The following UBR2 variants were observed in gnomAD, a reference collection of about 807,000 sequenced individuals.
The protein encoded by UBR2 is ubiquitin protein ligase E3 component n-recognin 2.
Under a neutral mutation model 247.9 loss-of-function variants are expected in UBR2, and 92 were observed. The ratio of observed to expected loss-of-function variants is 0.37; its 90% CI spans 0.31 to 0.44. The LOEUF (loss-of-function observed/expected upper bound fraction) is 0.44. Among genes scored for constraint, UBR2 ranks in the 20% least tolerant of loss-of-function variants. The pLI is 1.00. For missense variants in UBR2, 1,613 were observed against 2,112.6 expected (o/e 0.76, Z 4.64); for synonymous variants, 672 against 693.5 (o/e 0.97, Z 0.49).
chr6:42,638,745 T>C (rs1796259827), intron 15 of UBR2, among the ~76,000 whole-genome samples: 1 of 151,110 alleles, frequency 6.6e-6, no homozygotes, highest in Non-Finnish European at 1.5e-5. Context: ...GCCCTGCACG[T>C]GCCCTTAAAA....
intron 36 of UBR2, among the ~76,000 whole-genome samples, chr6:42,672,734 G>A (rs1232823441): frequency 6.6e-6 from 1 of 151,952 alleles, no homozygotes; most frequent in East Asian, 1.9e-4. Flanking sequence ...CCTTCCCTTA[G>A]AAAGCCCTCT....
chr6:42,648,022 C>A, intron 21 of UBR2, 96 bp from the exon 22 acceptor site: 1 of 924,090 alleles, frequency 1.1e-6, no homozygotes, highest in Non-Finnish European at 1.7e-6. Flanking sequence ...GTGTATCTAC[C>A]TTAGGTTGTT....
At chr6:42,617,281 C>A (rs79140595) in intron 10 of UBR2, 128 bp from the exon 11 acceptor site, 1 of 1,614,120 alleles carries the variant, frequency 6.2e-7, no homozygotes, top group South Asian at 1.1e-5. Context: ...AGGATGATCA[C>A]GAGCGAGCAG....
At chr6:42,640,291 A>G in intron 16 of UBR2, 21 bp downstream of exon 16, 2 of 1,569,092 alleles carry the variant, frequency 1.3e-6, no homozygotes, top group Non-Finnish European at 1.7e-6. Flanking sequence ...CTTACATTTA[A>G]AAGTGAATAC....
chr6:42,614,990 A>T (rs951100518), intron 8 of UBR2, 81 bp from the exon 9 acceptor site: 2 of 1,154,510 alleles, frequency 1.7e-6, no homozygotes, highest in Admixed American at 2.2e-5. Flanking sequence ...AACTCTACAG[A>T]TCCATTTGAA....
intron 10 of UBR2, among the ~76,000 whole-genome samples, 182 bp downstream of exon 10, chr6:42,616,272 A>T (rs1794542327): frequency 6.6e-6 from 1 of 151,962 alleles, no homozygotes; most frequent in Non-Finnish European, 1.5e-5. Context: ...TAGCCGTGAG[A>T]CTCCTTGTTC....
chr6:42,689,567 A>G lies in UBR2; in HGVS notation c.5025-2A>G, dbSNP rs1799635740. On this transcript the variant is annotated splice_acceptor_variant, in intron 45 of 46. Coordinates refer to ENST00000372901, the MANE Select transcript of UBR2 (RefSeq NM_001363705.2). LOFTEE classifies it high-confidence loss of function. This position sits in a 1 kb window ranked among gnomAD's most constrained non-coding sequence, Gnocchi z 4.0. ...TGTAACGTATGACTGATCTCTCTAC[A>G]GAGTACGGGAATGTCAGGTGCTATT... 1 of 1,613,816 alleles carries G rather than the reference A, an allele frequency of 6.2e-7. No individual in the cohort carries two copies. Among genetic ancestry groups the G allele is most frequent in the Non-Finnish European group, 8.5e-7 (1 of 1,179,722 alleles).
Position 42,595,926 on chromosome 6 carries a change from A to G in UBR2, c.531+1622A>G, listed in dbSNP as rs749063151. Among the ~76,000 whole-genome samples the G allele has an allele frequency of 4.8e-4, 73 of 151,576 alleles. 2 individuals are homozygous for G. Among genetic ancestry groups the G allele is most frequent in the Non-Finnish European group, 1.2e-4 (8 of 67,918 alleles). On this transcript the variant is annotated intron_variant, in intron 4 of 46. Coordinates refer to ENST00000372901, the MANE Select transcript of UBR2 (RefSeq NM_001363705.2). ...AGATGCCAAGTGGTCAAGGTTCCAG[A>G]TTTTTCCACTTCTATTGGAGAAGCT... is the stretch of plus-strand genomic sequence containing the variant.
Position 42,691,716 on chromosome 6 carries a change from C to G in UBR2, c.*543C>G, listed in dbSNP as rs1448234245. The G allele has an allele frequency of 6.6e-6, 1 of 151,670 alleles. No homozygotes were observed. The highest frequency in any genetic ancestry group is 2.4e-5 in the African/African-American group (1 of 41,166). The allele number at this position is 151,670 out of a possible 1,614,324, so 9.4% of individuals were successfully genotyped here. A position where few individuals can be genotyped will look rare whatever the true frequency, so the allele number is the denominator to read the frequency against. ...ATGAGAGAGTTGGGGGACACACATG[C>G]AGAAGAAGCCCGTGGGGAGAAGGTG... On this transcript the variant is annotated 3_prime_UTR_variant, in exon 47 of 47. Transcript: ENST00000372901.
chr6:42,652,831 T>A (rs1051049827), intron 25 of UBR2, among the ~76,000 whole-genome samples, 186 bp downstream of exon 25: 46 of 152,358 alleles, frequency 3.0e-4, no homozygotes, highest in African/African-American at 1.1e-3. Flanking sequence ...TTATACCACA[T>A]GGTTGTTATT....
intron 25 of UBR2, 92 bp downstream of exon 25, chr6:42,652,737 C>A: frequency 8.5e-7 from 1 of 1,177,222 alleles, no homozygotes; most frequent in Non-Finnish European, 1.2e-6. Flanking sequence ...AAAACTAGGC[C>A]GAAATGTATT....
chr6:42,658,355 A>G, intron 28 of UBR2, 35 bp downstream of exon 28: 1 of 1,571,322 alleles, frequency 6.4e-7, no homozygotes, highest in Non-Finnish European at 8.6e-7. Flanking sequence ...ATACTAAAAA[A>G]TTACAGCAAG....
At chr6:42,577,827 A>G (rs1791622044) in intron 2 of UBR2, among the ~76,000 whole-genome samples, 1 of 152,012 alleles carries the variant, frequency 6.6e-6, no homozygotes, top group Non-Finnish European at 1.5e-5. Context: ...GGGGTGGCTT[A>G]TGCTGCCATC....
At chr6:42,664,310 AAAAG>A (rs1797989586) in intron 32 of UBR2, 1 of 152,214 alleles carries the variant, frequency 6.6e-6, no homozygotes, top group African/African-American at 2.4e-5. Context: ...AAAAAATAAG[AAAAG>A]AAAATGGAAA....
chr6:42,640,402 G>T, intron 16 of UBR2, 132 bp downstream of exon 16: 1 of 481,230 alleles, frequency 2.1e-6, no homozygotes, highest in Non-Finnish European at 3.6e-6. Context: ...GTGTGTGTGT[G>T]TGTGTGTGTG....
Position 42,689,578 on chromosome 6 carries a change from A to C in UBR2, c.5034A>C (p.Glu1678Asp). 6.2e-7 allele frequency: 1 copy of C among 1,613,952 alleles called. No homozygotes were observed. Among genetic ancestry groups the C allele is most frequent in the Non-Finnish European group, 8.5e-7 (1 of 1,179,852 alleles). ...SGVGIFLRVRECQVLFLAGKT... is the reference protein window; with the variant it reads ...SGVGIFLRVRDCQVLFLAGKT... ...ACTGATCTCTCTACAGAGTACGGGA[A>C]TGTCAGGTGCTATTTTTAGCTGGCA... is the stretch of plus-strand genomic sequence containing the variant. The change falls in exon 46 of 47, where the codon GAA becomes GAC. Residue 1678 changes from glutamate (E) to aspartate (D), a missense_variant. Physicochemically the swap from Glu to Asp is conservative, Grantham distance 45. Transcript: ENST00000372901. The surrounding 1 kb of genome is among the most constrained non-coding windows in gnomAD (Gnocchi z 4.0).
intron 2 of UBR2, among the ~76,000 whole-genome samples, chr6:42,586,320 A>G (rs994245720): frequency 1.3e-5 from 2 of 152,104 alleles, no homozygotes; most frequent in African/African-American, 4.8e-5. Context: ...AGATTGTACC[A>G]TGGTGCTCTA....
chr6:42,615,041 A>G (rs775794884), intron 8 of UBR2, 30 bp from the exon 9 acceptor site: 2 of 1,566,852 alleles, frequency 1.3e-6, no homozygotes, highest in Non-Finnish European at 1.7e-6. Context: ...TGAAGTTGCT[A>G]TCTCATTCTA....
intron 4 of UBR2, among the ~76,000 whole-genome samples, chr6:42,595,482 A>C (rs62414613): frequency 0.068 from 10,385 of 152,270 alleles, 492 homozygotes; most frequent in South Asian, 0.12. Context: ...AAGGTGGCTC[A>C]TACCTATAAT....
Sources: gnomAD v4.1 joint callset for allele counts (sites outside exome capture counted in the v4.1 genomes callset) on GRCh38, gnomAD v4.1.1 for gene constraint, Gnocchi (gnomAD v3.1) non-coding constraint, MANE v1.5 for transcripts, NCBI Gene and HGNC (gene_info 2026-07-23, HGNC 2026-07-21) for gene names.